MTUS1: variants seen among roughly 807,000 people sequenced by gnomAD.
MTUS1 encodes microtubule associated scaffold protein 1.
A neutral mutation model predicts 120.8 loss-of-function variants in MTUS1; 109 were observed. The observed-to-expected ratio is 0.90, with a 90% CI of 0.77 to 1.06. The LOEUF (loss-of-function observed/expected upper bound fraction) is 1.06, where lower values mean the gene tolerates loss of function less well. Ranked by LOEUF, MTUS1 falls within the 50% of genes least tolerant of loss-of-function variation. The probability of loss-of-function intolerance (pLI) is 0.00; values close to 1 mark genes in which losing one functional copy is unlikely to be tolerated. For missense variants in MTUS1, 2,210 were observed against 1,486.3 expected (o/e 1.49, Z -8.01); for synonymous variants, 737 against 550.5 (o/e 1.34, Z -4.74).
In MTUS1 at chr8:17,748,821, CAG is replaced by C. The variant is rs553151592; in HGVS notation, c.2091+4894_2091+4895del. On this transcript the variant is annotated intron_variant, in intron 2 of 14. Coordinates refer to ENST00000693296, the MANE Select transcript of MTUS1 (RefSeq NM_001363059.2). ...TTACCCACTGCACTAGGCACTCAGA[CAG>C]GGTCTCTTTTTTCCCTACATCCTAA... Among the ~76,000 whole-genome samples, 111 of 152,298 alleles carry C rather than the reference CAG, an allele frequency of 7.3e-4. 1 individual carries two copies. Among genetic ancestry groups the C allele is most frequent in the African/African-American group, 2.6e-3 (108 of 41,564 alleles).
At position 17,671,136 on chromosome 8, in the gene MTUS1, T is replaced by C. The variant is rs556125338; in HGVS notation, c.2905+4050A>G. Among the ~76,000 whole-genome samples, 9 of 152,282 alleles carry C rather than the reference T, an allele frequency of 5.9e-5. No homozygotes were observed. In the East Asian group the frequency reaches 1.7e-3, roughly 29 times the overall value. On this transcript the variant is annotated intron_variant, in intron 8 of 14. Transcript: ENST00000693296. The stretch of plus-strand genomic sequence containing the variant: ...CCGCTGTATGAAAATTACACCTTAA[T>C]TTAAAAAATCGTAGTATGAAGTTGT...
chr8:17,775,486 C>T (rs1437992606), intron 1 of MTUS1, among the ~76,000 whole-genome samples: 1 of 152,210 alleles, frequency 6.6e-6, no homozygotes, highest in African/African-American at 2.4e-5. Context: ...ACGCCCTACA[C>T]ACCTGCCAGG....
intron 6 of MTUS1, chr8:17,697,653 T>G: frequency 8.5e-7 from 1 of 1,181,144 alleles, no homozygotes. Context: ...AAGCTGCCTC[T>G]GAACCACATC....
intron 3 of MTUS1, among the ~76,000 whole-genome samples, chr8:17,742,182 C>G (rs1338276048): frequency 6.6e-6 from 1 of 151,562 alleles, no homozygotes; most frequent in Non-Finnish European, 1.5e-5. Flanking sequence ...CTTTGAACTT[C>G]TGGGCTCAAG....
intron 2 of MTUS1, among the ~76,000 whole-genome samples, chr8:17,749,884 G>A (rs1045420068): frequency 3.3e-5 from 5 of 152,062 alleles, no homozygotes; most frequent in African/African-American, 1.2e-4. Context: ...CTGTGTCATG[G>A]GCCACTGGTC....
At chr8:17,733,250 C>T (rs1051782377) in intron 3 of MTUS1, among the ~76,000 whole-genome samples, 1 of 151,900 alleles carries the variant, frequency 6.6e-6, no homozygotes, top group Non-Finnish European at 1.5e-5. Flanking sequence ...ACTCGGTAGG[C>T]TGAGGCAGGA....
intron 6 of MTUS1, among the ~76,000 whole-genome samples, chr8:17,699,884 T>C (rs1268399773): frequency 1.3e-5 from 2 of 152,174 alleles, no homozygotes; most frequent in Admixed American, 1.3e-4. Flanking sequence ...AGCAATTACT[T>C]TCAGGTCACA....
intron 1 of MTUS1, among the ~76,000 whole-genome samples, chr8:17,786,561 C>T (rs951627372): frequency 9.4e-4 from 63 of 66,734 alleles, no homozygotes; most frequent in African/African-American, 2.0e-3. Flanking sequence ...AACCAAAAAA[C>T]ACTGAGTTAT....
At chr8:17,662,800 A>G (rs1438428348) in intron 8 of MTUS1, among the ~76,000 whole-genome samples, 2 of 151,526 alleles carry the variant, frequency 1.3e-5, no homozygotes, top group African/African-American at 2.4e-5. Context: ...CCAGCAATCT[A>G]GCTTAAAAGA....
In MTUS1 at chr8:17,754,385, A is replaced by G. The variant is rs1261591938; in HGVS notation, c.1423T>C (p.Cys475Arg). 2 of 1,614,142 alleles carry G rather than the reference A, an allele frequency of 1.2e-6. No individual in the cohort carries two copies. The highest frequency in any genetic ancestry group is 1.1e-5 in the South Asian group (1 of 91,076). ...PDSKEAPVNL[C>R]KPSLGKSTIK... ...GTTGATTTTCCTAAACTGGGTTTAC[A>G]CAGGTTCACAGGTGCCTCCTTCGAG... Residue 475 changes from cysteine to arginine, a missense_variant, in exon 2 of 15, where the codon TGT becomes CGT. Coordinates refer to ENST00000693296, the MANE Select transcript of MTUS1 (RefSeq NM_001363059.2).
At chr8:17,684,580 G>T in intron 6 of MTUS1, 38 bp from the exon 7 acceptor site, 1 of 1,521,610 alleles carries the variant, frequency 6.6e-7, no homozygotes. Context: ...AGATAGGTGA[G>T]GTTAATTTTT....
chr8:17,656,856 G>A (rs1808375340), intron 8 of MTUS1, among the ~76,000 whole-genome samples: 1 of 151,822 alleles, frequency 6.6e-6, no homozygotes, highest in East Asian at 2.0e-4. Context: ...TGGATCATGA[G>A]GTCAGGAGAT....
chr8:17,704,136 C>G (rs1819675488), intron 6 of MTUS1: 1 of 152,136 alleles, frequency 6.6e-6, no homozygotes, highest in Admixed American at 6.5e-5. Flanking sequence ...GGCGACAGAC[C>G]ATGGGAATGC....
chr8:17,723,454 A>G, intron 4 of MTUS1: 1 of 600,774 alleles, frequency 1.7e-6, no homozygotes, highest in East Asian at 2.9e-5. Flanking sequence ...TGCACTTTCG[A>G]ATCCTTCATG....
intron 2 of MTUS1, chr8:17,748,088 T>A (rs773412796): frequency 2.6e-5 from 4 of 152,142 alleles, no homozygotes; most frequent in Non-Finnish European, 5.9e-5. Context: ...AGCCAAATCA[T>A]ATCAACTGGA....
chr8:17,653,318 GA>G, intron 11 of MTUS1, 37 bp from the exon 12 acceptor site: 1 of 1,484,838 alleles, frequency 6.7e-7, no homozygotes, highest in Non-Finnish European at 9.1e-7. Flanking sequence ...AAGTTAACAA[GA>G]AAACCCCAGA....
intron 8 of MTUS1, among the ~76,000 whole-genome samples, chr8:17,673,294 T>C (rs951016380): frequency 1.4e-4 from 20 of 140,200 alleles, no homozygotes; most frequent in Non-Finnish European, 2.9e-4. Flanking sequence ...TTTGGGATTC[T>C]GAAGTTTCCA....
upstream of MTUS1, among the ~76,000 whole-genome samples, chr8:17,801,103 G>T (rs771994503): frequency 7.3e-5 from 11 of 150,918 alleles, no homozygotes; most frequent in Non-Finnish European, 1.5e-4. Flanking sequence ...ACGCAGAGGC[G>T]GGGAGGGCTG....
intron 6 of MTUS1, chr8:17,697,855 G>A (rs1378080745): frequency 2.6e-6 from 1 of 389,482 alleles, no homozygotes; most frequent in Non-Finnish European, 3.5e-6. Flanking sequence ...AAAAAATTAG[G>A]ATTTCCTGAA....
Sources: allele counts gnomAD v4.1 joint callset (sites outside exome capture counted in the v4.1 genomes callset), GRCh38; gene constraint gnomAD v4.1.1; transcripts MANE v1.5; gene names NCBI Gene and HGNC (gene_info 2026-07-23, HGNC 2026-07-21).